CHMP4B: variants seen among roughly 807,000 people sequenced by gnomAD.
CHMP4B encodes the protein charged multivesicular body protein 4B, also known as SNF7 homolog associated with Alix 1.
Under a neutral mutation model 25.1 loss-of-function variants are expected in CHMP4B, and 1 was observed. That is an observed-to-expected ratio of 0.04 (90% CI 0.01 to 0.19). The LOEUF (loss-of-function observed/expected upper bound fraction) is 0.19, where lower values mean the gene tolerates loss of function less well. CHMP4B is among the 10% of genes least tolerant of loss of function. The pLI is 1.00. For synonymous variants in CHMP4B, 101 were observed against 115.6 expected (o/e 0.87, Z 0.81); for missense variants, 151 against 289.7 (o/e 0.52, Z 3.48).
chr20:33,817,063 T>G (rs1601315410), intron 1 of CHMP4B, among the ~76,000 whole-genome samples: 1 of 152,240 alleles, frequency 6.6e-6, no homozygotes, highest in Non-Finnish European at 1.5e-5. Flanking sequence ...ACGTGGCTCT[T>G]TGGTTCTCTG....
intron 4 of CHMP4B, among the ~76,000 whole-genome samples, chr20:33,852,504 C>G (rs376855444): frequency 1.3e-5 from 2 of 152,080 alleles, no homozygotes; most frequent in Non-Finnish European, 1.5e-5. Context: ...GTCCGGTGCA[C>G]TGTGGATGTT....
At chr20:33,830,264 G>T (rs973043153) in intron 1 of CHMP4B, among the ~76,000 whole-genome samples, 2 of 152,192 alleles carry the variant, frequency 1.3e-5, no homozygotes, top group Non-Finnish European at 2.9e-5. Context: ...TGAGGCTGTT[G>T]ATCATCTCAG....
chr20:33,833,249 C>G (rs1055766699), intron 1 of CHMP4B, among the ~76,000 whole-genome samples: 2 of 152,234 alleles, frequency 1.3e-5, no homozygotes, highest in Non-Finnish European at 2.9e-5. Flanking sequence ...CCTGCCTTAT[C>G]TTCTCTTCCC....
intron 1 of CHMP4B, among the ~76,000 whole-genome samples, chr20:33,820,428 C>T (rs190847115): frequency 1.3e-5 from 2 of 152,276 alleles, no homozygotes; most frequent in African/African-American, 2.4e-5. Flanking sequence ...AAGATGGTAG[C>T]TAGAAACTTG....
chr20:33,830,556 G>A (rs552883644), intron 1 of CHMP4B, among the ~76,000 whole-genome samples: 9 of 152,300 alleles, frequency 5.9e-5, no homozygotes, highest in African/African-American at 1.7e-4. Flanking sequence ...TCCTCACATG[G>A]CCTTTCTGTG....
chr20:33,850,900 C>T (rs1211033402), intron 2 of CHMP4B, 52 bp from the exon 3 acceptor site: 4 of 1,338,706 alleles, frequency 3.0e-6, no homozygotes, highest in Admixed American at 1.7e-5. Context: ...CTTGCAGGCC[C>T]CCTTTACGCA....
chr20:33,820,150 C>T (rs931872435), intron 1 of CHMP4B, among the ~76,000 whole-genome samples: 5 of 151,998 alleles, frequency 3.3e-5, no homozygotes, highest in Non-Finnish European at 5.9e-5. Flanking sequence ...TGCACTCCAG[C>T]CTGGGCAACA....
intron 3 of CHMP4B, 44 bp downstream of exon 3, chr20:33,851,110 CCT>C: frequency 1.7e-6 from 2 of 1,208,948 alleles, no homozygotes; most frequent in African/African-American, 1.5e-5. Context: ...CAAATGATAC[CCT>C]GAGGCTGTCC....
At chr20:33,830,611 GTC>G (rs1568607714) in intron 1 of CHMP4B, among the ~76,000 whole-genome samples, 1 of 152,060 alleles carries the variant, frequency 6.6e-6, no homozygotes, top group African/African-American at 2.4e-5. Flanking sequence ...GAGCGGGGGC[GTC>G]TCTCTTCCTA....
At chr20:33,825,092 A>G (rs905185420) in intron 1 of CHMP4B, among the ~76,000 whole-genome samples, 8 of 152,148 alleles carry the variant, frequency 5.3e-5, no homozygotes, top group African/African-American at 1.9e-4. Context: ...AGGGCTGGGA[A>G]CTTGACCTGA....
intron 3 of CHMP4B, among the ~76,000 whole-genome samples, 165 bp downstream of exon 3, chr20:33,851,231 A>T (rs542431187): frequency 1.3e-5 from 2 of 152,156 alleles, no homozygotes; most frequent in African/African-American, 4.8e-5. Context: ...CACTTTCTCT[A>T]TTTGGGGTGG....
At chr20:33,815,906 T>G (rs1978771124) in intron 1 of CHMP4B, among the ~76,000 whole-genome samples, 1 of 152,174 alleles carries the variant, frequency 6.6e-6, no homozygotes, top group Admixed American at 6.5e-5. Flanking sequence ...CACCCACCTG[T>G]GCAAGGTGTG....
At chr20:33,838,755 C>G (rs567747457) in intron 1 of CHMP4B, among the ~76,000 whole-genome samples, 1 of 152,248 alleles carries the variant, frequency 6.6e-6, no homozygotes, top group Admixed American at 6.5e-5. Flanking sequence ...TCCCAGTATC[C>G]TGGTTTCCCC....
At chr20:33,829,373 T>G (rs528448135) in intron 1 of CHMP4B, among the ~76,000 whole-genome samples, 1 of 152,186 alleles carries the variant, frequency 6.6e-6, no homozygotes, top group South Asian at 2.1e-4. Flanking sequence ...CCATCTGTGG[T>G]GTTTGCTCAG....
intron 2 of CHMP4B, 88 bp from the exon 3 acceptor site, chr20:33,850,864 G>C: frequency 1.1e-6 from 1 of 900,272 alleles, no homozygotes; most frequent in South Asian, 1.3e-5. Context: ...TGATTTTGTG[G>C]GGCCCAGTTT....
At chr20:33,850,733 G>A (rs564531256) in intron 2 of CHMP4B, among the ~76,000 whole-genome samples, 1 of 152,354 alleles carries the variant, frequency 6.6e-6, no homozygotes, top group East Asian at 1.9e-4. Context: ...GTTGGACTGG[G>A]TAGTGTCTTA....
At chr20:33,821,124 C>T (rs1482455174) in intron 1 of CHMP4B, among the ~76,000 whole-genome samples, 1 of 152,130 alleles carries the variant, frequency 6.6e-6, no homozygotes, top group African/African-American at 2.4e-5. Flanking sequence ...CGGTGGCTCA[C>T]GCCTGTAATC....
intron 1 of CHMP4B, among the ~76,000 whole-genome samples, chr20:33,839,293 T>C (rs1175096440): frequency 1.3e-5 from 2 of 152,084 alleles, no homozygotes; most frequent in Non-Finnish European, 2.9e-5. Context: ...TTGGGCGTTA[T>C]GGAGTGCCCC....
chr20:33,829,700 G>A (rs1979187865), intron 1 of CHMP4B, among the ~76,000 whole-genome samples: 1 of 152,196 alleles, frequency 6.6e-6, no homozygotes, highest in Admixed American at 6.5e-5. Context: ...TCTGTAGTTG[G>A]TAGGAAAGGA....
Sources: gnomAD v4.1 joint callset for allele counts (sites outside exome capture counted in the v4.1 genomes callset) on GRCh38, gnomAD v4.1.1 for gene constraint, MANE v1.5 for transcripts, NCBI Gene and HGNC (gene_info 2026-07-23, HGNC 2026-07-21) for gene names.